TMEM135: variants seen among roughly 807,000 people sequenced by gnomAD.
TMEM135 encodes peroxisomal membrane protein 52.
A neutral mutation model predicts 60.3 loss-of-function variants in TMEM135; 30 were observed. The ratio of observed to expected loss-of-function variants is 0.50; its 90% confidence interval spans 0.37 to 0.68. The LOEUF (loss-of-function observed/expected upper bound fraction) is 0.68. Ranked by LOEUF, TMEM135 falls within the 30% of genes least tolerant of loss-of-function variation. TMEM135 has a pLI of 0.00. For missense variants in TMEM135, 468 were observed against 548.8 expected (o/e 0.85, Z 1.47); for synonymous variants, 190 against 186.7 (o/e 1.02, Z -0.14).
At chr11:87,274,113 G>A (rs556905926) in intron 6 of TMEM135, among the ~76,000 whole-genome samples, 2 of 152,294 alleles carry the variant, frequency 1.3e-5, no homozygotes, top group East Asian at 3.9e-4. Flanking sequence ...GGTAGAGTGG[G>A]TAGTAGTAAT....
At chr11:87,155,509 A>G (rs1267504815) in intron 4 of TMEM135, among the ~76,000 whole-genome samples, 1 of 152,164 alleles carries the variant, frequency 6.6e-6, no homozygotes, top group Non-Finnish European at 1.5e-5. Context: ...TGTAACTGTA[A>G]GAGGTCCATT....
intron 5 of TMEM135, among the ~76,000 whole-genome samples, chr11:87,216,436 G>C (rs574781994): frequency 3.3e-5 from 5 of 152,094 alleles, no homozygotes; most frequent in Admixed American, 1.3e-4. Context: ...ATGTGTTGAC[G>C]TAGTGTTTTC....
chr11:87,303,589 G>A (rs547289617), intron 8 of TMEM135, among the ~76,000 whole-genome samples: 1 of 152,306 alleles, frequency 6.6e-6, no homozygotes, highest in South Asian at 2.1e-4. Context: ...ATTGCTGTGA[G>A]CATTAAATGA....
At chr11:87,101,905 G>A (rs112491290) in intron 4 of TMEM135, among the ~76,000 whole-genome samples, 21,346 of 152,072 alleles carry the variant, frequency 0.14, 1,590 homozygotes, top group Non-Finnish European at 0.16. Flanking sequence ...CCTGGGAGGC[G>A]GAGGTTGCAT....
intron 1 of TMEM135, among the ~76,000 whole-genome samples, chr11:87,056,651 A>G (rs1041426866): frequency 6.6e-6 from 1 of 152,218 alleles, no homozygotes; most frequent in Admixed American, 6.5e-5. Flanking sequence ...GAATTTATGT[A>G]TCAACAAATA....
intron 6 of TMEM135, among the ~76,000 whole-genome samples, chr11:87,286,350 A>G (rs1196280851): frequency 6.6e-6 from 1 of 152,128 alleles, no homozygotes; most frequent in Non-Finnish European, 1.5e-5. Context: ...TGGTGCATCC[A>G]TGAACCCCGA....
Position 87,295,818 on chromosome 11 carries a change from A to G in TMEM135, c.546A>G (p.Ala182=). The change falls in exon 7 of 15, where the codon GCA becomes GCG. Residue 182 remains alanine (A), a synonymous_variant. Coordinates refer to ENST00000305494, the MANE Select transcript of TMEM135 (RefSeq NM_022918.4). ...KDGLKGFTFS[A]LRFIVGKEEI... is the part of the protein sequence containing the mutation. The stretch of plus-strand genomic sequence containing the variant: ...GCTTGAAAGGATTTACATTTTCTGC[A>G]CTTAGGTAAGAAACATTTATTTTTA... 1.2e-6 allele frequency: 2 copies of G among 1,606,742 alleles called. No individual in the cohort carries two copies. Among genetic ancestry groups the G allele is most frequent in the East Asian group, 4.5e-5 (2 of 44,668 alleles).
chr11:87,070,858 CATTT>C, intron 2 of TMEM135, among the ~76,000 whole-genome samples: 1 of 152,276 alleles, frequency 6.6e-6, no homozygotes, highest in South Asian at 2.1e-4. Context: ...GAAGGGAAAA[CATTT>C]ATTGAATGTC....
chr11:87,162,836 A>G (rs996686126), intron 5 of TMEM135, among the ~76,000 whole-genome samples: 1 of 152,184 alleles, frequency 6.6e-6, no homozygotes, highest in Non-Finnish European at 1.5e-5. Flanking sequence ...CACTTCCACC[A>G]ACAGTGTAAA....
chr11:87,207,301 A>G (rs1215151632), intron 5 of TMEM135, among the ~76,000 whole-genome samples: 1 of 152,186 alleles, frequency 6.6e-6, no homozygotes, highest in Non-Finnish European at 1.5e-5. Context: ...GAGTGGTAAA[A>G]TTAATAATTC....
At chr11:87,142,447 T>C (rs1202878255) in intron 4 of TMEM135, among the ~76,000 whole-genome samples, 1 of 152,188 alleles carries the variant, frequency 6.6e-6, no homozygotes, top group Non-Finnish European at 1.5e-5. Context: ...TCAATTATTA[T>C]TTCATTTGCA....
chr11:87,085,494 T>A (rs1399698371), intron 3 of TMEM135, among the ~76,000 whole-genome samples: 2 of 152,188 alleles, frequency 1.3e-5, no homozygotes, highest in Non-Finnish European at 2.9e-5. Context: ...CGGTGGCTCA[T>A]GCCTGTTATT....
At chr11:87,137,833 TGACAGAACA>T (rs1201234561) in intron 4 of TMEM135, among the ~76,000 whole-genome samples, 3 of 152,120 alleles carry the variant, frequency 2.0e-5, no homozygotes, top group African/African-American at 4.8e-5. Flanking sequence ...GGGTAAAACA[TGACAGAACA>T]TATATTTACA....
intron 5 of TMEM135, among the ~76,000 whole-genome samples, chr11:87,204,101 A>G (rs1940182324): frequency 6.6e-6 from 1 of 150,544 alleles, no homozygotes; most frequent in African/African-American, 2.4e-5. Context: ...TGGCTCGTTT[A>G]CTTTCAGTAA....
At chr11:87,197,750 C>G (rs1028206491) in intron 5 of TMEM135, among the ~76,000 whole-genome samples, 3 of 151,864 alleles carry the variant, frequency 2.0e-5, no homozygotes, top group Non-Finnish European at 4.4e-5. Context: ...TTTGCAAATT[C>G]ACTTATTAGG....
chr11:87,059,074 A>C (rs2135125566), intron 1 of TMEM135, among the ~76,000 whole-genome samples: 1 of 152,022 alleles, frequency 6.6e-6, no homozygotes, highest in African/African-American at 2.4e-5. Context: ...AGTAGCTGGG[A>C]TTACAGGCAC....
intron 6 of TMEM135, among the ~76,000 whole-genome samples, chr11:87,270,164 T>C (rs1204133836): frequency 2.7e-5 from 4 of 149,258 alleles, no homozygotes; most frequent in Non-Finnish European, 4.5e-5. Flanking sequence ...TGTCTGTTCA[T>C]GTCCTTTGCC....
At chr11:87,221,984 T>TC (rs1940628932) in intron 5 of TMEM135, among the ~76,000 whole-genome samples, 3 of 151,538 alleles carry the variant, frequency 2.0e-5, no homozygotes, top group Admixed American at 2.0e-4. Flanking sequence ...GATTGTGAGG[T>TC]CAGGAGATCG....
At chr11:87,185,614 A>G (rs532566880) in intron 5 of TMEM135, among the ~76,000 whole-genome samples, 17 of 152,244 alleles carry the variant, frequency 1.1e-4, no homozygotes, top group South Asian at 8.3e-4. Flanking sequence ...GTTAGCAGTC[A>G]TTGGTGACGA....
Sources: allele counts gnomAD v4.1 joint callset (sites outside exome capture counted in the v4.1 genomes callset), GRCh38; gene constraint gnomAD v4.1.1; transcripts MANE v1.5; gene names NCBI Gene and HGNC (gene_info 2026-07-23, HGNC 2026-07-21).